CEP85L: variants seen among roughly 807,000 people sequenced by gnomAD.
CEP85L encodes the protein centrosomal protein 85L.
CEP85L carries 60 observed loss-of-function variants against 100.3 expected under a neutral mutation model. The ratio of observed to expected loss-of-function variants is 0.60; its 90% CI spans 0.49 to 0.74. The LOEUF (loss-of-function observed/expected upper bound fraction) is 0.74, where lower values mean the gene tolerates loss of function less well. Among genes scored for constraint, CEP85L ranks in the 30% least tolerant of loss-of-function variants. The pLI, the probability that CEP85L is intolerant of heterozygous loss-of-function variation, is 0.00. For missense variants in CEP85L, 973 were observed against 936.2 expected, an observed-to-expected ratio of 1.04 and a Z score of -0.51; for synonymous variants, 319 against 322.7, an observed-to-expected ratio of 0.99 and a Z score of 0.12.
chr6:118,524,231 T>C lies in CEP85L; in HGVS notation c.1021-311A>G, dbSNP rs142004495. Among the ~76,000 whole-genome samples, 297 of 152,042 alleles carry C rather than the reference T, an allele frequency of 2.0e-3. 1 individual carries two copies. The highest frequency in any genetic ancestry group is 6.8e-3 in the African/African-American group (281 of 41,466). ...ATCCCAGCACTTTGGGAGGCCGAGG[T>C]CAGGAGATCACCACCATCCTGGCTA... On this transcript the variant is annotated intron_variant, in intron 3 of 12. Coordinates refer to ENST00000368491, the MANE Select transcript of CEP85L (RefSeq NM_001042475.3).
chr6:118,657,650 A>T (rs2115400571), intron 1 of CEP85L, among the ~76,000 whole-genome samples: 1 of 152,238 alleles, frequency 6.6e-6, no homozygotes, highest in East Asian at 1.9e-4. Flanking sequence ...TTCAAGTTGG[A>T]CTCAGAATAC....
At chr6:118,471,711 C>T (rs1042680067) in intron 10 of CEP85L, among the ~76,000 whole-genome samples, 1 of 151,308 alleles carries the variant, frequency 6.6e-6, no homozygotes, top group African/African-American at 2.4e-5. Context: ...ATGAATCAAA[C>T]TCTATAACAA....
chr6:118,468,900 C>T (rs1406761231), intron 12 of CEP85L, among the ~76,000 whole-genome samples, 172 bp downstream of exon 12: 3 of 152,144 alleles, frequency 2.0e-5, no homozygotes, highest in Admixed American at 1.3e-4. Context: ...CAGCTATAAC[C>T]CTACTCACTT....
At chr6:118,614,960 T>C (rs953227636) in intron 2 of CEP85L, among the ~76,000 whole-genome samples, 3 of 152,240 alleles carry the variant, frequency 2.0e-5, no homozygotes, top group Non-Finnish European at 4.4e-5. Context: ...TCTAAACTTA[T>C]TTCTGTGTTC....
chr6:118,608,211 T>C (rs1772363894), intron 2 of CEP85L, among the ~76,000 whole-genome samples: 1 of 152,212 alleles, frequency 6.6e-6, no homozygotes, highest in Admixed American at 6.5e-5. Context: ...TTAAGAACAT[T>C]TCTGCTGGGC....
At chr6:118,586,732 T>C (rs1199232513) in intron 2 of CEP85L, among the ~76,000 whole-genome samples, 1 of 152,206 alleles carries the variant, frequency 6.6e-6, no homozygotes, top group Non-Finnish European at 1.5e-5. Flanking sequence ...GTCTCACCCC[T>C]ACCTCAACAA....
In CEP85L at chr6:118,518,190, T is replaced by G. The variant is rs532877661; in HGVS notation, c.1139+5612A>C. 5.3e-5 allele frequency among the ~76,000 whole-genome samples: 8 copies of G among 152,322 alleles called. No individual in the cohort carries two copies. In the South Asian group the frequency reaches 1.7e-3, roughly 32 times the overall value. ...CATCAGCAATATTGGCCTGAAATTT[T>G]CTTTTTTTGTTGTGTCTCTGCCAGG... On this transcript the variant is annotated intron_variant, in intron 4 of 12. Coordinates refer to ENST00000368491, the MANE Select transcript of CEP85L (RefSeq NM_001042475.3).
chr6:118,651,540 G>A lies in CEP85L; in HGVS notation c.-271C>T, dbSNP rs1394027602. The A allele has an allele frequency of 4.8e-6, 6 of 1,255,404 alleles. No homozygotes were observed. Among genetic ancestry groups the A allele is most frequent in the Non-Finnish European group, 6.0e-6 (6 of 999,458 alleles). The allele number at this position is 1,255,404 out of a possible 1,614,324, so 77.8% of individuals were successfully genotyped here. On this transcript the variant is annotated 5_prime_UTR_variant, in exon 1 of 13. Coordinates refer to ENST00000368491, the MANE Select transcript of CEP85L (RefSeq NM_001042475.3). ...CGGCGGTGACGGCTGCTAGATCCCC[G>A]GCTGAGCCCAGGCTCAAAGGCTCCA...
chr6:118,489,442 C>T, intron 6 of CEP85L, among the ~76,000 whole-genome samples: 1 of 152,062 alleles, frequency 6.6e-6, no homozygotes, highest in South Asian at 2.1e-4. Flanking sequence ...TACAGTTGTC[C>T]CTTGGTATAT....
intron 1 of CEP85L, among the ~76,000 whole-genome samples, chr6:118,633,360 ACAC>A (rs1374499752): frequency 2.0e-5 from 3 of 151,820 alleles, no homozygotes; most frequent in Non-Finnish European, 4.4e-5. Flanking sequence ...GCCCACCACC[ACAC>A]CCCGCTAATT....
At chr6:118,616,805 C>T (rs1364215162) in intron 2 of CEP85L, among the ~76,000 whole-genome samples, 7 of 151,632 alleles carry the variant, frequency 4.6e-5, no homozygotes, top group South Asian at 4.2e-4. Flanking sequence ...ATTAGCCAGG[C>T]GTGGTGGCGT....
intron 2 of CEP85L, among the ~76,000 whole-genome samples, chr6:118,571,587 ATC>A (rs376033990): frequency 5.4e-4 from 81 of 149,334 alleles, no homozygotes; most frequent in Non-Finnish European, 5.8e-4. Flanking sequence ...CAGGGATGGT[ATC>A]TCTCTCTCTC....
chr6:118,676,978 A>C (rs1453837479), intron 1 of CEP85L, among the ~76,000 whole-genome samples: 1 of 151,992 alleles, frequency 6.6e-6, no homozygotes, highest in Admixed American at 6.5e-5. Flanking sequence ...TCTGTTGACG[A>C]TATGTATGTC....
chr6:118,705,840 G>T (rs1777576868), intron 1 of CEP85L, among the ~76,000 whole-genome samples: 1 of 152,082 alleles, frequency 6.6e-6, no homozygotes, highest in Non-Finnish European at 1.5e-5. Flanking sequence ...GATACCAGGA[G>T]ATTTGAAAAA....
At chr6:118,706,884 G>A (rs1275471859) in intron 1 of CEP85L, among the ~76,000 whole-genome samples, 1 of 152,082 alleles carries the variant, frequency 6.6e-6, no homozygotes, top group African/African-American at 2.4e-5. Flanking sequence ...TCCAGTCCTG[G>A]AATTCTTTCC....
At chr6:118,655,430 A>G (rs545182220), upstream of CEP85L, among the ~76,000 whole-genome samples, 5 of 152,232 alleles carry the variant, frequency 3.3e-5, no homozygotes, top group South Asian at 2.1e-4. Flanking sequence ...ATCTTTGTCA[A>G]TGGAACTTAT....
At chr6:118,564,305 T>TA (rs1485718725) in intron 3 of CEP85L, among the ~76,000 whole-genome samples, 14 of 152,220 alleles carry the variant, frequency 9.2e-5, no homozygotes, top group African/African-American at 3.1e-4. Context: ...CAATTCTGTG[T>TA]AAAGACACCA....
At chr6:118,638,732 T>G (rs1480540014) in intron 1 of CEP85L, among the ~76,000 whole-genome samples, 1 of 151,896 alleles carries the variant, frequency 6.6e-6, no homozygotes, top group Non-Finnish European at 1.5e-5. Flanking sequence ...ATACTAATTT[T>G]TTAATACTAA....
chr6:118,618,912 G>A (rs1773252236), intron 2 of CEP85L, among the ~76,000 whole-genome samples: 2 of 152,176 alleles, frequency 1.3e-5, no homozygotes, highest in Admixed American at 6.5e-5. Context: ...CAGATAGGAC[G>A]CGTTGGCAAA....
Sources: allele counts gnomAD v4.1 joint callset (sites outside exome capture counted in the v4.1 genomes callset), GRCh38; gene constraint gnomAD v4.1.1; transcripts MANE v1.5; gene names NCBI Gene and HGNC (gene_info 2026-07-23, HGNC 2026-07-21).